The following EYS variants were observed in gnomAD, a reference collection of about 807,000 sequenced individuals.
EYS encodes protein eyes shut homolog.
Under a neutral mutation model 282.1 loss-of-function variants are expected in EYS, and 250 were observed. The observed-to-expected ratio is 0.89, with a 90% CI of 0.80 to 0.98. The LOEUF (loss-of-function observed/expected upper bound fraction) is 0.98, where lower values mean the gene tolerates loss of function less well. EYS is among the 50% of genes least tolerant of loss of function. The pLI, the probability that EYS is intolerant of heterozygous loss-of-function variation, is 0.00. For synonymous variants in EYS, 1,355 were observed against 1,282.9 expected, an observed-to-expected ratio of 1.06 and a Z score of -1.20; for missense variants, 4,016 against 3,709.0, an observed-to-expected ratio of 1.08 and a Z score of -2.15.
At chr6:65,117,196 G>A (rs1775401353) in intron 12 of EYS, among the ~76,000 whole-genome samples, 1 of 152,168 alleles carries the variant, frequency 6.6e-6, no homozygotes, top group Non-Finnish European at 1.5e-5. Context: ...TAACCCAAGT[G>A]AACCAAATGA....
chr6:65,224,360 A>G (rs1406707536), intron 12 of EYS, among the ~76,000 whole-genome samples: 1 of 152,188 alleles, frequency 6.6e-6, no homozygotes. Context: ...AAATATGTTG[A>G]GACAAATGAA....
chr6:64,050,685 A>C (rs1305645741), intron 33 of EYS, among the ~76,000 whole-genome samples: 1 of 152,208 alleles, frequency 6.6e-6, no homozygotes, highest in East Asian at 1.9e-4. Flanking sequence ...TTCCTTCAGC[A>C]TGCTGCTCTC....
intron 28 of EYS, among the ~76,000 whole-genome samples, chr6:64,429,020 C>T (rs78068900): frequency 3.3e-5 from 5 of 152,034 alleles, no homozygotes; most frequent in African/African-American, 9.7e-5. Flanking sequence ...TATAGACTGA[C>T]ATCAGCTACA....
chr6:64,467,736 C>A (rs1366267890), intron 26 of EYS, among the ~76,000 whole-genome samples: 1 of 152,090 alleles, frequency 6.6e-6, no homozygotes, highest in East Asian at 1.9e-4. Flanking sequence ...ACACTGCTAC[C>A]AGTATATGGA....
intron 2 of EYS, among the ~76,000 whole-genome samples, chr6:65,537,128 A>G (rs1257587938): frequency 6.6e-6 from 1 of 152,140 alleles, no homozygotes; most frequent in Non-Finnish European, 1.5e-5. Context: ...GTTCTCACTC[A>G]TAAGTGGGAG....
At chr6:64,508,602 C>T (rs1461190928) in intron 26 of EYS, among the ~76,000 whole-genome samples, 1 of 147,514 alleles carries the variant, frequency 6.8e-6, no homozygotes, top group Non-Finnish European at 1.5e-5. Flanking sequence ...TGGGCTTGGA[C>T]TCAAGTGCCT....
chr6:63,914,314 T>C (rs1055386858), intron 35 of EYS, among the ~76,000 whole-genome samples: 8 of 152,132 alleles, frequency 5.3e-5, no homozygotes, highest in African/African-American at 7.2e-5. Flanking sequence ...AAAGCTAAGA[T>C]AGGTAGAAAG....
At chr6:63,898,125 C>T (rs959332908) in intron 35 of EYS, among the ~76,000 whole-genome samples, 1 of 152,116 alleles carries the variant, frequency 6.6e-6, no homozygotes, top group African/African-American at 2.4e-5. Context: ...ACATCTTGTC[C>T]CTAATAACGA....
chr6:64,314,194 C>CAAAAAAAAAAAAAAAAAAAAAAA (rs138447983), intron 29 of EYS, among the ~76,000 whole-genome samples: 1 of 27,670 alleles, frequency 3.6e-5, no homozygotes, highest in African/African-American at 1.5e-4. Context: ...AAATGGAAAG[C>CAAAAAAAAAAAAAAAAAAAAAAA]AAAAAAAAAA....
At chr6:65,688,858 A>T (rs1392375306) in intron 1 of EYS, among the ~76,000 whole-genome samples, 8 of 151,786 alleles carry the variant, frequency 5.3e-5, no homozygotes, top group Admixed American at 1.3e-4. Flanking sequence ...GGCGATCATT[A>T]AAAAGTCAGG....
At chr6:64,583,927 G>A (rs1428223860) in intron 26 of EYS, among the ~76,000 whole-genome samples, 1 of 152,030 alleles carries the variant, frequency 6.6e-6, no homozygotes, top group Non-Finnish European at 1.5e-5. Context: ...TAGATGGCAT[G>A]TTTGGACATA....
At chr6:64,460,017 CT>C (rs1383957330) in intron 26 of EYS, among the ~76,000 whole-genome samples, 2 of 151,504 alleles carry the variant, frequency 1.3e-5, no homozygotes. Context: ...GGACTCTTTC[CT>C]CAATGACTTT....
intron 22 of EYS, among the ~76,000 whole-genome samples, chr6:64,653,054 G>C (rs1258449727): frequency 6.6e-6 from 1 of 152,170 alleles, no homozygotes; most frequent in Non-Finnish European, 1.5e-5. Context: ...ATGAAAGTAA[G>C]ATGGGGTTAT....
chr6:65,382,391 CT>C (rs1434160606), intron 8 of EYS, among the ~76,000 whole-genome samples: 1 of 138,196 alleles, frequency 7.2e-6, no homozygotes, highest in Non-Finnish European at 1.6e-5. Flanking sequence ...GTTAAATTAT[CT>C]TAGTGTTTCT....
chr6:65,353,258 C>A (rs1483698873), intron 9 of EYS, among the ~76,000 whole-genome samples, 200 bp downstream of exon 9: 1 of 151,884 alleles, frequency 6.6e-6, no homozygotes, highest in Non-Finnish European at 1.5e-5. Context: ...TCTCTTGCAC[C>A]AAGTAGATTT....
chr6:63,791,020 AG>A (rs1340511053), intron 37 of EYS, among the ~76,000 whole-genome samples: 3 of 152,180 alleles, frequency 2.0e-5, no homozygotes, highest in Non-Finnish European at 4.4e-5. Context: ...CAGCCTGGTC[AG>A]GAGGAGATAG....
intron 13 of EYS, among the ~76,000 whole-genome samples, chr6:65,031,263 T>A (rs1470981359): frequency 3.3e-5 from 5 of 151,586 alleles, no homozygotes; most frequent in African/African-American, 1.2e-4. Flanking sequence ...AGAGACTTTA[T>A]AACCACACAA....
At chr6:63,829,900 T>C (rs192242876) in intron 36 of EYS, among the ~76,000 whole-genome samples, 126 of 152,346 alleles carry the variant, frequency 8.3e-4, no homozygotes, top group African/African-American at 2.8e-3. Flanking sequence ...CGTCTGCCAT[T>C]CTGCAATATT....
chr6:65,307,924 A>T, intron 11 of EYS, among the ~76,000 whole-genome samples: 1 of 149,486 alleles, frequency 6.7e-6, no homozygotes, highest in Non-Finnish European at 1.5e-5. Flanking sequence ...TCCCACTTCT[A>T]TGTGTGTATA....
Sources: allele counts gnomAD v4.1 joint callset (sites outside exome capture counted in the v4.1 genomes callset), GRCh38; gene constraint gnomAD v4.1.1; transcripts MANE v1.5; gene names NCBI Gene and HGNC (gene_info 2026-07-23, HGNC 2026-07-21).